Variants in UBXN11 observed in about 807,000 individuals in gnomAD.
The protein encoded by UBXN11 is UBX domain protein 11.
Under a neutral mutation model 62.8 loss-of-function variants are expected in UBXN11, and 47 were observed. The ratio of observed to expected loss-of-function variants is 0.75; its 90% confidence interval spans 0.59 to 0.95. UBXN11 has a LOEUF of 0.95. Among genes scored for constraint, UBXN11 ranks in the 40% least tolerant of loss-of-function variants. The probability of loss-of-function intolerance (pLI) is 0.00; values close to 1 mark genes in which losing one functional copy is unlikely to be tolerated. For missense variants in UBXN11, 638 were observed against 661.7 expected (o/e 0.96, Z 0.39); for synonymous variants, 294 against 267.0 (o/e 1.10, Z -0.99).
At chr1:26,317,371 C>T (rs1225891054) in intron 1 of UBXN11, among the ~76,000 whole-genome samples, 12 of 152,154 alleles carry the variant, frequency 7.9e-5, no homozygotes, top group South Asian at 4.1e-4. Context: ...CCAGGCTTCC[C>T]GATTCCTCAC....
At chr1:26,308,275 A>AAAAAAG (rs1553165241), upstream of UBXN11, among the ~76,000 whole-genome samples, 391 of 141,196 alleles carry the variant, frequency 2.8e-3, 1 homozygote, top group Middle Eastern at 7.1e-3. Flanking sequence ...CAAAAAAAAA[A>AAAAAAG]AAAAGAAAAG....
At chr1:26,304,001 C>A (rs1004611046) in intron 1 of UBXN11, among the ~76,000 whole-genome samples, 8 of 152,174 alleles carry the variant, frequency 5.3e-5, no homozygotes, top group African/African-American at 1.9e-4. Flanking sequence ...AGGTGATCCG[C>A]CCCCCTCGAC....
intron 1 of UBXN11, among the ~76,000 whole-genome samples, chr1:26,305,100 T>C (rs2073632571): frequency 2.0e-5 from 3 of 152,126 alleles, no homozygotes; most frequent in Admixed American, 2.0e-4. Flanking sequence ...CCCTCAATAC[T>C]TTTTTTGTTT....
chr1:26,300,332 C>T (rs1490701195), intron 4 of UBXN11, among the ~76,000 whole-genome samples: 2 of 152,202 alleles, frequency 1.3e-5, no homozygotes, highest in Admixed American at 6.5e-5. Context: ...CAGAGAGATG[C>T]GAAGTTGCTT....
chr1:26,299,520 A>AC (rs1570121128), intron 4 of UBXN11, among the ~76,000 whole-genome samples: 2 of 150,888 alleles, frequency 1.3e-5, no homozygotes, highest in East Asian at 3.9e-4. Context: ...CCAAAAAAAA[A>AC]AAAAACAAAA....
intron 8 of UBXN11, among the ~76,000 whole-genome samples, chr1:26,289,912 G>A (rs112822419): frequency 5.9e-5 from 9 of 152,324 alleles, no homozygotes; most frequent in South Asian, 2.1e-4. Context: ...GCCAGGCCCC[G>A]CTCTGGGGAC....
intron 6 of UBXN11, 45 bp downstream of exon 6, chr1:26,297,382 G>A: frequency 6.7e-7 from 1 of 1,493,664 alleles, no homozygotes; most frequent in Non-Finnish European, 8.9e-7. Context: ...GCCCAGGGGA[G>A]GTGCCTGACT....
chr1:26,284,567 G>A, intron 10 of UBXN11, 85 bp from the exon 11 acceptor site: 1 of 1,495,976 alleles, frequency 6.7e-7, no homozygotes, highest in Non-Finnish European at 8.9e-7. Context: ...CCTAAACACA[G>A]GCCAAGGGTA....
intron 8 of UBXN11, among the ~76,000 whole-genome samples, chr1:26,291,580 G>A (rs997521398): frequency 4.6e-5 from 7 of 152,156 alleles, no homozygotes; most frequent in Non-Finnish European, 8.8e-5. Flanking sequence ...GAGCAAGGAG[G>A]TCCCCCCTGG....
intron 8 of UBXN11, among the ~76,000 whole-genome samples, chr1:26,286,649 C>T (rs2073140458): frequency 6.6e-6 from 1 of 151,514 alleles, no homozygotes; most frequent in South Asian, 2.1e-4. Context: ...TGCCCAACTC[C>T]ACCTTGCACA....
rs561247812 is a variant in UBXN11 at position 26,282,302 on chromosome 1, T to C, written c.1560A>G (p.Gln520=). 1.9e-4 allele frequency: 273 copies of C among 1,455,256 alleles called. 2 individuals carry two copies. Among genetic ancestry groups the C allele is most frequent in the South Asian group, 8.9e-4 (60 of 67,218 alleles). The allele number at this position is 1,455,256 out of a possible 1,614,324, so 90.1% of individuals were successfully genotyped here. The change falls in exon 15 of 15, where the codon CAA becomes CAG. Residue 520 remains glutamine (Q), a synonymous_variant. Transcript: ENST00000374222. ...GCGGGTTGAGGGGGCGGGTGCTTTA[T>C]TGGGGGCTGGGACTGGGTCCAGGAC... ...SPCPGPSPSP[Q]
chr1:26,315,699 G>A (rs1038113084), intron 1 of UBXN11, among the ~76,000 whole-genome samples: 3 of 151,670 alleles, frequency 2.0e-5, no homozygotes, highest in East Asian at 1.9e-4. Context: ...TTCTCTTGTC[G>A]CTCAGGCTGG....
upstream of UBXN11, among the ~76,000 whole-genome samples, chr1:26,310,686 C>T (rs1205225082): frequency 2.0e-5 from 3 of 146,930 alleles, no homozygotes; most frequent in African/African-American, 7.6e-5. Context: ...CAAGATTGCG[C>T]CACTGCACTC....
upstream of UBXN11, among the ~76,000 whole-genome samples, chr1:26,309,047 C>T (rs1329600745): frequency 1.3e-5 from 2 of 151,280 alleles, no homozygotes. Flanking sequence ...ATTCTCCAGC[C>T]TCAGCCTCCC....
upstream of UBXN11, among the ~76,000 whole-genome samples, chr1:26,307,348 T>C (rs996526962): frequency 1.3e-5 from 2 of 152,198 alleles, no homozygotes; most frequent in African/African-American, 4.8e-5. Context: ...TTTTTATATC[T>C]GTAAAACAGT....
chr1:26,309,551 T>TA (rs1553165312), upstream of UBXN11, among the ~76,000 whole-genome samples: 7 of 152,164 alleles, frequency 4.6e-5, no homozygotes, highest in African/African-American at 1.4e-4. Flanking sequence ...TTGATTTTTT[T>TA]TAAAAAAATA....
rs918429855 is a variant in UBXN11 at position 26,317,914 on chromosome 1, C to T, written c.-149+133G>A. On this transcript the variant is annotated intron_variant, in intron 1 of 14. Coordinates refer to the UBXN11 transcript ENST00000374217. ...TCCTCTCCCTACCTCACCCCGCCTCCTCTGCCTCCTGGTTCAAAAGCAGCT... is the reference window on the plus strand; with the variant it reads ...TCCTCTCCCTACCTCACCCCGCCTCTTCTGCCTCCTGGTTCAAAAGCAGCT... The T allele has an allele frequency of 4.0e-6, 4 of 1,005,084 alleles. No homozygotes were observed. The African/African-American group carries it at 6.4e-5, about 16-fold the overall frequency. The allele number at this position is 1,005,084 out of a possible 1,614,324, so 62.3% of individuals were successfully genotyped here. A position where few individuals can be genotyped will look rare whatever the true frequency, so the allele number is the denominator to read the frequency against.
Position 26,285,531 on chromosome 1 carries a change from C to T in UBXN11, c.785G>A (p.Arg262Gln), listed in dbSNP as rs371231338. 14 of 1,586,964 alleles carry T rather than the reference C, an allele frequency of 8.8e-6. No individual in the cohort carries two copies. The highest frequency in any genetic ancestry group is 3.5e-5 in the Admixed American group (2 of 57,778). ...GGGAAAGAAGCCATCCAATATGTCT[C>T]GGAGGCAGCGCTGCAAGGGAAGAGG... ...FYDPSTQRCL[R>Q]DILDGFFPSE... The change falls in exon 10 of 15, where the codon CGA (arginine) becomes CAA (glutamine). Residue 262 changes from arginine (R) to glutamine (Q), a missense_variant. Transcript: ENST00000374222.
At chr1:26,291,003 G>C (rs534998051) in intron 8 of UBXN11, among the ~76,000 whole-genome samples, 2 of 152,286 alleles carry the variant, frequency 1.3e-5, no homozygotes, top group African/African-American at 4.8e-5. Flanking sequence ...CTGGCAGAGA[G>C]AGGGGGAGAG....
Sources: gnomAD v4.1 joint callset for allele counts (sites outside exome capture counted in the v4.1 genomes callset) on GRCh38, gnomAD v4.1.1 for gene constraint, MANE v1.5 for transcripts, NCBI Gene and HGNC (gene_info 2026-07-23, HGNC 2026-07-21) for gene names.